Variants in SGCZ observed in about 807,000 individuals in gnomAD.
SGCZ encodes the protein sarcoglycan zeta.
Under a neutral mutation model 41.3 loss-of-function variants are expected in SGCZ, and 40 were observed. The ratio of observed to expected loss-of-function variants is 0.97; its 90% CI spans 0.75 to 1.26. The LOEUF (loss-of-function observed/expected upper bound fraction) is 1.26. SGCZ is among the 50% of genes most tolerant of loss of function. SGCZ has a pLI of 0.00. For missense variants in SGCZ, 552 were observed against 369.8 expected, an observed-to-expected ratio of 1.49 and a Z score of -4.04; for synonymous variants, 206 against 137.5, an observed-to-expected ratio of 1.50 and a Z score of -3.49.
chr8:15,021,800 C>T (rs1454416995), intron 1 of SGCZ, among the ~76,000 whole-genome samples: 1 of 152,116 alleles, frequency 6.6e-6, no homozygotes, highest in Non-Finnish European at 1.5e-5. Flanking sequence ...ATTGTTGTTA[C>T]TGGAACTTAA....
chr8:14,103,400 T>TGATC, intron 6 of SGCZ, among the ~76,000 whole-genome samples: 1 of 152,210 alleles, frequency 6.6e-6, no homozygotes. Context: ...CACCTGCCTG[T>TGATC]GATCGCCCTA....
intron 1 of SGCZ, among the ~76,000 whole-genome samples, chr8:14,851,197 G>A (rs1012268142): frequency 2.0e-5 from 3 of 151,736 alleles, no homozygotes; most frequent in African/African-American, 7.3e-5. Flanking sequence ...GTGAAACGCT[G>A]TCTTTACTAA....
At chr8:14,412,251 G>GA (rs1479039561) in intron 2 of SGCZ, among the ~76,000 whole-genome samples, 2 of 151,902 alleles carry the variant, frequency 1.3e-5, no homozygotes, top group Non-Finnish European at 2.9e-5. Context: ...TCCTCTTTTG[G>GA]AAAAAATCAA....
At chr8:14,752,548 T>C (rs2130322870) in intron 1 of SGCZ, among the ~76,000 whole-genome samples, 1 of 152,324 alleles carries the variant, frequency 6.6e-6, no homozygotes, top group East Asian at 1.9e-4. Context: ...GTCTATAAGC[T>C]CTGTGACAGT....
chr8:14,640,793 G>A (rs1022541094), intron 1 of SGCZ, among the ~76,000 whole-genome samples: 3 of 151,560 alleles, frequency 2.0e-5, no homozygotes, highest in African/African-American at 7.3e-5. Flanking sequence ...TCCAGAGACA[G>A]TCAAAGCACA....
At chr8:14,633,518 T>G (rs1488121059) in intron 1 of SGCZ, among the ~76,000 whole-genome samples, 1 of 151,392 alleles carries the variant, frequency 6.6e-6, no homozygotes, top group Non-Finnish European at 1.5e-5. Context: ...TTAGCAAGCA[T>G]TCCTTTCTTT....
chr8:14,349,178 T>C (rs1483090169), intron 2 of SGCZ, among the ~76,000 whole-genome samples: 1 of 152,152 alleles, frequency 6.6e-6, no homozygotes, highest in African/African-American at 2.4e-5. Context: ...CCAATATGCA[T>C]AGTAATGTCC....
intron 1 of SGCZ, among the ~76,000 whole-genome samples, chr8:15,133,488 G>A (rs527436805): frequency 1.4e-4 from 22 of 152,146 alleles, no homozygotes; most frequent in African/African-American, 4.6e-4. Context: ...TTAGACTCTC[G>A]TTATCTTCCC....
intron 4 of SGCZ, among the ~76,000 whole-genome samples, chr8:14,186,568 C>T (rs939579190): frequency 2.3e-4 from 35 of 152,164 alleles, no homozygotes; most frequent in Admixed American, 3.3e-4. Context: ...CCTACTATAA[C>T]AAGTGCTTAG....
At chr8:15,073,848 A>ATAAC (rs571880436) in intron 1 of SGCZ, among the ~76,000 whole-genome samples, 29 of 152,298 alleles carry the variant, frequency 1.9e-4, no homozygotes, top group Non-Finnish European at 3.8e-4. Context: ...GATGCCTAGC[A>ATAAC]TAACTAACTA....
intron 1 of SGCZ, among the ~76,000 whole-genome samples, chr8:14,659,464 C>T (rs202074942): frequency 6.6e-6 from 1 of 152,058 alleles, no homozygotes; most frequent in Non-Finnish European, 1.5e-5. Context: ...TATGATACAA[C>T]AACACGATCT....
intron 1 of SGCZ, among the ~76,000 whole-genome samples, chr8:14,796,196 G>C (rs914312957): frequency 1.3e-5 from 2 of 152,148 alleles, no homozygotes; most frequent in Non-Finnish European, 2.9e-5. Flanking sequence ...ACTCAGTAAA[G>C]GAATTGCTGG....
intron 2 of SGCZ, among the ~76,000 whole-genome samples, chr8:14,433,204 G>A (rs1002973738): frequency 1.3e-5 from 2 of 152,096 alleles, no homozygotes; most frequent in African/African-American, 4.8e-5. Context: ...CTGGGATTAA[G>A]CAACTGCAAA....
chr8:14,727,125 C>G (rs1029210728), intron 1 of SGCZ, among the ~76,000 whole-genome samples: 3 of 151,906 alleles, frequency 2.0e-5, no homozygotes, highest in African/African-American at 7.3e-5. Context: ...AAGAGAAAAA[C>G]AAATCAAATA....
intron 1 of SGCZ, among the ~76,000 whole-genome samples, chr8:14,613,088 T>G (rs563560856): frequency 1.8e-4 from 27 of 152,312 alleles, no homozygotes; most frequent in African/African-American, 5.8e-4. Context: ...CCCTGTGCCC[T>G]GCACCCCACA....
chr8:14,501,812 T>C (rs1034774606), intron 2 of SGCZ, among the ~76,000 whole-genome samples: 1 of 152,094 alleles, frequency 6.6e-6, no homozygotes, highest in Non-Finnish European at 1.5e-5. Flanking sequence ...AACCCAAAGA[T>C]AATTATAACA....
intron 1 of SGCZ, among the ~76,000 whole-genome samples, chr8:14,606,316 C>G (rs924458797): frequency 6.8e-6 from 1 of 147,950 alleles, no homozygotes; most frequent in African/African-American, 2.4e-5. Context: ...CTGTTACACT[C>G]CTTATTTGGT....
Position 14,484,726 on chromosome 8 carries a change from C to A in SGCZ, c.234+70006G>T, listed in dbSNP as rs7846404. ...TTTGAATCAATTTTAAAATATTGTG[C>A]CCATATTTATATCTAAAATGTTTCT... On this transcript the variant is annotated intron_variant, in intron 2 of 7. Coordinates refer to ENST00000382080, the MANE Select transcript of SGCZ (RefSeq NM_139167.4). 1.7e-4 allele frequency among the ~76,000 whole-genome samples: 26 copies of A among 151,922 alleles called. 1 individual carries two copies. The highest frequency in any genetic ancestry group is 3.2e-4 in the Non-Finnish European group (22 of 67,998).
intron 3 of SGCZ, among the ~76,000 whole-genome samples, chr8:14,323,064 T>G (rs536275735): frequency 4.7e-4 from 72 of 152,182 alleles, no homozygotes; most frequent in Non-Finnish European, 7.9e-4. Context: ...AAAATAAAAT[T>G]TCTAGTACCA....
Sources: gnomAD v4.1 joint callset for allele counts (sites outside exome capture counted in the v4.1 genomes callset) on GRCh38, gnomAD v4.1.1 for gene constraint, MANE v1.5 for transcripts, NCBI Gene and HGNC (gene_info 2026-07-23, HGNC 2026-07-21) for gene names.